Variants in NUCKS1 observed in about 807,000 individuals in gnomAD.
The protein encoded by NUCKS1 is nuclear casein kinase and cyclin dependent kinase substrate 1, also known as nuclear ubiquitous casein and cyclin-dependent kinase substrate 1.
In NUCKS1, 2 loss-of-function variants were observed where a neutral mutation model predicts 33.0. The observed-to-expected ratio is 0.06, with a 90% confidence interval of 0.02 to 0.19. The LOEUF (loss-of-function observed/expected upper bound fraction) is 0.19. Among genes scored for constraint, NUCKS1 ranks in the 10% least tolerant of loss-of-function variants. NUCKS1 has a pLI of 1.00. For missense variants in NUCKS1, 201 were observed against 293.6 expected (o/e 0.68, Z 2.31); for synonymous variants, 106 against 102.8 (o/e 1.03, Z -0.19).
intron 1 of NUCKS1, among the ~76,000 whole-genome samples, chr1:205,742,176 T>C (rs1056053946): frequency 3.9e-5 from 6 of 152,148 alleles, no homozygotes; most frequent in East Asian, 1.9e-4. Flanking sequence ...AGTCATTTTA[T>C]TGTGACCTAG....
At chr1:205,726,668 C>CA (rs1042609002) in intron 3 of NUCKS1, among the ~76,000 whole-genome samples, 4 of 152,184 alleles carry the variant, frequency 2.6e-5, no homozygotes, top group African/African-American at 9.6e-5. Context: ...TGGAGTCCAA[C>CA]AGACATGGTT....
chr1:205,748,854 A>G (rs988802508), intron 1 of NUCKS1, among the ~76,000 whole-genome samples: 1 of 152,256 alleles, frequency 6.6e-6, no homozygotes, highest in African/African-American at 2.4e-5. Context: ...CTATGCAAAG[A>G]AGCCAATTCC....
Position 205,727,783 on chromosome 1 carries a change from C to G in NUCKS1, c.90G>C (p.Ser30=), listed in dbSNP as rs775426197. ...DDADEDYGRD[S]GPPTKKIRSS... is the part of the protein sequence containing the mutation. ...ATCGAATTTTCTTAGTGGGAGGGCC[C>G]GAATCTCTTCCATAATCTTCATCTA... Residue 30 remains serine (S), a synonymous_variant, in exon 3 of 7, where the codon TCG becomes TCC. Coordinates refer to ENST00000367142, the MANE Select transcript of NUCKS1 (RefSeq NM_022731.5). 2 of 1,611,578 alleles carry G rather than the reference C, an allele frequency of 1.2e-6. No homozygotes were observed. The highest frequency in any genetic ancestry group is 1.7e-6 in the Non-Finnish European group (2 of 1,178,558).
At chr1:205,724,154 T>G (rs549004330) in intron 3 of NUCKS1, 173 bp from the exon 4 acceptor site, 1 of 649,740 alleles carries the variant, frequency 1.5e-6, no homozygotes, top group Admixed American at 2.4e-5. Flanking sequence ...TGCTGGTGAA[T>G]AAGCACAATT....
At position 205,715,503 on chromosome 1, in the gene NUCKS1, G is replaced by C. The variant is rs969776361; in HGVS notation, c.*2777C>G. The C allele has an allele frequency of 6.6e-6, 1 of 152,168 alleles. No individual in the cohort carries two copies. The highest frequency in any genetic ancestry group is 1.5e-5 in the Non-Finnish European group (1 of 68,028). 9.4% of individuals were successfully genotyped at this position (152,168 alleles called of 1,614,324 possible). On this transcript the variant is annotated 3_prime_UTR_variant, in exon 7 of 7. Coordinates refer to ENST00000367142, the MANE Select transcript of NUCKS1 (RefSeq NM_022731.5). ...CCTCTGGGCCCACTCCATTGATTCCGATCTGAGGTGAGGAGGACTAAAAGC... is the reference window on the plus strand; with the variant it reads ...CCTCTGGGCCCACTCCATTGATTCCCATCTGAGGTGAGGAGGACTAAAAGC...
intron 3 of NUCKS1, among the ~76,000 whole-genome samples, chr1:205,727,352 A>T (rs184015332): frequency 6.6e-6 from 1 of 152,324 alleles, no homozygotes; most frequent in Admixed American, 6.5e-5. Context: ...AAAATGGTTA[A>T]ATTATTTAAA....
intron 1 of NUCKS1, among the ~76,000 whole-genome samples, chr1:205,735,145 T>C (rs1193909000): frequency 6.6e-6 from 1 of 152,198 alleles, no homozygotes; most frequent in Non-Finnish European, 1.5e-5. Context: ...TTCTAATTTC[T>C]TCAAAATACA....
Position 205,750,139 on chromosome 1 carries a change from TG to T in NUCKS1, c.-167del. 1 of 671,032 alleles carries T rather than the reference TG, an allele frequency of 1.5e-6. No individual in the cohort carries two copies. Among genetic ancestry groups the T allele is most frequent in the East Asian group, 3.2e-5 (1 of 31,478 alleles). The allele number at this position is 671,032 out of a possible 1,614,324, so 41.6% of individuals were successfully genotyped here. A position where few individuals can be genotyped will look rare whatever the true frequency, so the allele number is the denominator to read the frequency against. On this transcript the variant is annotated 5_prime_UTR_variant, in exon 1 of 7. Coordinates refer to ENST00000367142, the MANE Select transcript of NUCKS1 (RefSeq NM_022731.5). The stretch of plus-strand genomic sequence containing the variant: ...CCGCTGCTCTTTGGTTCAGGGCTCC[TG>T]GAACAGACGAGCCCCCCGCTCCCCC...
intron 1 of NUCKS1, among the ~76,000 whole-genome samples, chr1:205,746,025 G>A (rs1654312623): frequency 6.6e-6 from 1 of 152,186 alleles, no homozygotes; most frequent in Non-Finnish European, 1.5e-5. Context: ...GCCGGGCGCG[G>A]TAGTTCACGC....
chr1:205,730,441 A>G (rs1653880317), intron 1 of NUCKS1, among the ~76,000 whole-genome samples: 1 of 152,160 alleles, frequency 6.6e-6, no homozygotes, highest in African/African-American at 2.4e-5. Flanking sequence ...TCAAGCTACA[A>G]TTCTCATACT....
Position 205,750,105 on chromosome 1 carries a change from T to G in NUCKS1, c.-132A>C. 4.8e-6 allele frequency: 4 copies of G among 829,020 alleles called. No individual in the cohort carries two copies. The highest frequency in any genetic ancestry group is 7.5e-6 in the Non-Finnish European group (4 of 535,250). The allele number at this position is 829,020 out of a possible 1,614,324, so 51.4% of individuals were successfully genotyped here. ...GCTGCCGAACCCCGAGCTGCTGGCT[T>G]CTCAAACTCCGCTGCTCTTTGGTTC... On this transcript the variant is annotated 5_prime_UTR_variant, in exon 1 of 7. Transcript: ENST00000367142.
At chr1:205,749,429 C>T (rs1007787767) in intron 1 of NUCKS1, among the ~76,000 whole-genome samples, 3 of 152,194 alleles carry the variant, frequency 2.0e-5, no homozygotes, top group Non-Finnish European at 4.4e-5. Flanking sequence ...GTTGGCAGTG[C>T]TGCCCCTCCC....
intron 3 of NUCKS1, among the ~76,000 whole-genome samples, chr1:205,724,296 G>A (rs1333214768): frequency 3.3e-5 from 5 of 152,232 alleles, no homozygotes; most frequent in Non-Finnish European, 7.4e-5. Context: ...AAATATTCTC[G>A]AACAGAGGCA....
chr1:205,744,629 A>T (rs1431601218), intron 1 of NUCKS1, among the ~76,000 whole-genome samples: 1,769 of 18,368 alleles, frequency 0.096, 29 homozygotes, highest in South Asian at 0.22. Context: ...AGTTCACTAG[A>T]GTTTTTTTTT....
intron 1 of NUCKS1, among the ~76,000 whole-genome samples, chr1:205,744,059 G>C (rs75152324): frequency 6.6e-6 from 1 of 152,158 alleles, no homozygotes; most frequent in African/African-American, 2.4e-5. Context: ...CCTGTCAGGT[G>C]TATCTCCCCT....
chr1:205,742,472 C>T (rs1291262654), intron 1 of NUCKS1, among the ~76,000 whole-genome samples: 1 of 152,050 alleles, frequency 6.6e-6, no homozygotes, highest in African/African-American at 2.4e-5. Context: ...TAATTTTTTC[C>T]CAACAAAATA....
In NUCKS1 at chr1:205,718,268, C is replaced by T. The variant is rs756681882; in HGVS notation, c.*12G>A. 3 of 1,592,876 alleles carry T rather than the reference C, an allele frequency of 1.9e-6. No homozygotes were observed. The Admixed American group carries it at 5.4e-5, about 28-fold the overall frequency. On this transcript the variant is annotated 3_prime_UTR_variant, in exon 7 of 7. Coordinates refer to ENST00000367142, the MANE Select transcript of NUCKS1 (RefSeq NM_022731.5). ...TTTTTTAATAAAATCTCTCCCCAGA[C>T]CATCATCACTTTTAATCCTCCCCAG...
intron 2 of NUCKS1, 126 bp downstream of exon 2, chr1:205,729,446 A>G: frequency 5.2e-6 from 4 of 768,584 alleles, no homozygotes; most frequent in Non-Finnish European, 9.2e-6. Context: ...AGATCATGAC[A>G]TGGTTTTGGT....
chr1:205,714,630 C>G lies in NUCKS1; in HGVS notation c.*3650G>C, dbSNP rs1295086654. On this transcript the variant is annotated 3_prime_UTR_variant, in exon 7 of 7. Coordinates refer to ENST00000367142, the MANE Select transcript of NUCKS1 (RefSeq NM_022731.5). ...ATAGCTTGATGTCCCAATATTCAAA[C>G]AATAAGCCAACTCTCCATTTTCAAG... 1 of 152,138 alleles carries G rather than the reference C, an allele frequency of 6.6e-6. No individual in the cohort carries two copies. Among genetic ancestry groups the G allele is most frequent in the Non-Finnish European group, 1.5e-5 (1 of 68,030 alleles). 9.4% of individuals were successfully genotyped at this position (152,138 alleles called of 1,614,324 possible).
Sources: allele counts gnomAD v4.1 joint callset (sites outside exome capture counted in the v4.1 genomes callset), GRCh38; gene constraint gnomAD v4.1.1; transcripts MANE v1.5; gene names NCBI Gene and HGNC (gene_info 2026-07-23, HGNC 2026-07-21).